The following DYNC2H1 variants were observed in gnomAD, a reference collection of about 807,000 sequenced individuals.
The protein encoded by DYNC2H1 is dynein cytoplasmic 2 heavy chain 1, also known as cytoplasmic dynein 2 heavy chain 1.
A neutral mutation model predicts 570.0 loss-of-function variants in DYNC2H1; 410 were observed. The observed-to-expected ratio is 0.72, with a 90% confidence interval of 0.66 to 0.78. The LOEUF (loss-of-function observed/expected upper bound fraction) is 0.78. DYNC2H1 is among the 30% of genes least tolerant of loss of function. The pLI is 0.00. For missense variants in DYNC2H1, 4,865 were observed against 5,046.4 expected (o/e 0.96, Z 1.09); for synonymous variants, 1,688 against 1,677.6 (o/e 1.01, Z -0.15).
intron 70 of DYNC2H1, among the ~76,000 whole-genome samples, chr11:103,279,821 A>G (rs1866061162): frequency 6.6e-6 from 1 of 152,174 alleles, no homozygotes; most frequent in South Asian, 2.1e-4. Flanking sequence ...CATTGAAGGA[A>G]TTATTTGTTG....
intron 78 of DYNC2H1, among the ~76,000 whole-genome samples, chr11:103,309,168 ATTTTTT>A (rs386374721): frequency 2.4e-4 from 13 of 54,644 alleles, no homozygotes; most frequent in Admixed American, 1.3e-3. Context: ...ACTGCATGCT[ATTTTTT>A]TTTTTTTTTT....
At chr11:103,148,095 A>C (rs972510175) in intron 19 of DYNC2H1, among the ~76,000 whole-genome samples, 2 of 152,172 alleles carry the variant, frequency 1.3e-5, no homozygotes, top group African/African-American at 2.4e-5. Flanking sequence ...AGATTGTTGC[A>C]TATGTAGCTG....
intron 82 of DYNC2H1, among the ~76,000 whole-genome samples, chr11:103,345,090 G>A (rs7481615): frequency 0.15 from 22,667 of 152,020 alleles, 1,838 homozygotes; most frequent in Admixed American, 0.25. Flanking sequence ...CTTATTTTTC[G>A]AACATTATAA....
At chr11:103,373,571 C>G (rs746444962) in intron 83 of DYNC2H1, among the ~76,000 whole-genome samples, 7 of 152,138 alleles carry the variant, frequency 4.6e-5, no homozygotes, top group Non-Finnish European at 1.0e-4. Context: ...TTGATATGAT[C>G]TCTCTCTTCC....
chr11:103,218,680 C>T (rs1226299291), intron 55 of DYNC2H1, among the ~76,000 whole-genome samples: 2 of 152,172 alleles, frequency 1.3e-5, no homozygotes, highest in Admixed American at 6.5e-5. Flanking sequence ...GCTTTGTGTA[C>T]TCTCTGGCTA....
intron 13 of DYNC2H1, among the ~76,000 whole-genome samples, chr11:103,132,184 T>C (rs1037312714): frequency 6.6e-6 from 1 of 152,098 alleles, no homozygotes; most frequent in Non-Finnish European, 1.5e-5. Flanking sequence ...TTTTTCCCTT[T>C]ATTTTCTCTT....
At chr11:103,444,515 C>G (rs1944365931) in intron 85 of DYNC2H1, among the ~76,000 whole-genome samples, 1 of 152,006 alleles carries the variant, frequency 6.6e-6, no homozygotes, top group Non-Finnish European at 1.5e-5. Context: ...TTTGTTAAGC[C>G]TACCAGAAGG....
chr11:103,447,933 A>G (rs988419012), intron 85 of DYNC2H1, among the ~76,000 whole-genome samples: 2 of 151,908 alleles, frequency 1.3e-5, no homozygotes, highest in African/African-American at 4.8e-5. Context: ...AAATACTAGG[A>G]TTTTTTTTAT....
Position 103,243,751 on chromosome 11 carries a change from C to T in DYNC2H1, c.9878C>T (p.Thr3293Ile). Residue 3293 changes from threonine to isoleucine, a missense_variant, in exon 64 of 89, where the codon ACA becomes ATA. Around this residue, in one of 5 missense-constraint regions of DYNC2H1, gnomAD observed 2,401 missense variants for 2,454.6 expected, o/e 0.98. Coordinates refer to ENST00000375735, the MANE Select transcript of DYNC2H1 (RefSeq NM_001377.3). The surrounding 1 kb of genome is among the most constrained non-coding windows in gnomAD (Gnocchi z 4.8). Reference sequence around the variant, plus strand: ...TCCCAAGCTACAGAGTGGTTAAAAACACATTTGAAAGACTCACGTTTAGAA... The same window carrying T: ...TCCCAAGCTACAGAGTGGTTAAAAATACATTTGAAAGACTCACGTTTAGAA... The part of the protein sequence containing the change: ...PSSQATEWLK[T>I]HLKDSRLEVI... The T allele has an allele frequency of 6.2e-7, 1 of 1,605,118 alleles. No homozygotes were observed. The highest frequency in any genetic ancestry group is 8.5e-7 in the Non-Finnish European group (1 of 1,175,308).
At chr11:103,246,013 A>C (rs1048466613) in intron 65 of DYNC2H1, among the ~76,000 whole-genome samples, 2 of 152,160 alleles carry the variant, frequency 1.3e-5, no homozygotes, top group Admixed American at 1.3e-4. Flanking sequence ...GGGGCAACGC[A>C]GAGAAATAGC....
At chr11:103,310,684 TTTTTTTTTTTTTTTG>T (rs1419223961) in intron 78 of DYNC2H1, among the ~76,000 whole-genome samples, 1 of 86,548 alleles carries the variant, frequency 1.2e-5, no homozygotes, top group African/African-American at 5.2e-5. Flanking sequence ...TTTTTTTTTT[TTTTTTTTTTTTTTTG>T]GGAGACTGAG....
In DYNC2H1 at chr11:103,369,114, T is replaced by G. The variant is rs1275952042; in HGVS notation, c.12156+10755T>G. ...TGAATTGCAGACACCATCCCTCCCC[T>G]GTCTCCAAGCAGCAGTGGCATGGCA... On this transcript the variant is annotated intron_variant, in intron 83 of 88. Coordinates refer to ENST00000375735, the MANE Select transcript of DYNC2H1 (RefSeq NM_001377.3). The surrounding 1 kb of genome is among the most constrained non-coding windows in gnomAD (Gnocchi z 4.0). Among the ~76,000 whole-genome samples, 1 of 152,156 alleles carries G rather than the reference T, an allele frequency of 6.6e-6. No homozygotes were observed. Among genetic ancestry groups the G allele is most frequent in the Non-Finnish European group, 1.5e-5 (1 of 68,032 alleles).
intron 54 of DYNC2H1, among the ~76,000 whole-genome samples, chr11:103,212,264 A>G (rs1288360885): frequency 6.6e-6 from 1 of 152,082 alleles, no homozygotes; most frequent in Non-Finnish European, 1.5e-5. Context: ...GTTATTCAGC[A>G]TAAGATGATA....
rs1860909541 is a variant in DYNC2H1 at position 103,157,964 on chromosome 11, T to C, written c.4128-713T>C. Among the ~76,000 whole-genome samples the C allele has an allele frequency of 6.6e-6, 1 of 152,244 alleles. No homozygotes were observed. Among genetic ancestry groups the C allele is most frequent in the African/African-American group, 2.4e-5 (1 of 41,466 alleles). The stretch of plus-strand genomic sequence containing the variant: ...ACTCACTCACTTTTTCATTTTATTC[T>C]TCATCTGCATATCAATTTAAATTAC... On this transcript the variant is annotated intron_variant, in intron 26 of 88. Transcript: ENST00000375735. This position sits in a 1 kb window ranked among gnomAD's most constrained non-coding sequence, Gnocchi z 4.2.
At chr11:103,466,349 C>A (rs1238311067) in intron 87 of DYNC2H1, among the ~76,000 whole-genome samples, 1 of 152,048 alleles carries the variant, frequency 6.6e-6, no homozygotes, top group Admixed American at 6.6e-5. Flanking sequence ...AAACAAAACA[C>A]AGGAAAATAT....
chr11:103,154,632 C>T (rs79080694), intron 23 of DYNC2H1, 26 bp downstream of exon 23: 1 of 1,580,586 alleles, frequency 6.3e-7, no homozygotes, highest in South Asian at 1.2e-5. Context: ...AATATTTAGA[C>T]TAATAATTTG....
At chr11:103,143,923 T>C (rs1012952314) in intron 18 of DYNC2H1, among the ~76,000 whole-genome samples, 1 of 152,216 alleles carries the variant, frequency 6.6e-6, no homozygotes, top group African/African-American at 2.4e-5. Flanking sequence ...AGTAATAAGT[T>C]CCATGAAAGG....
chr11:103,198,052 G>A lies in DYNC2H1; in HGVS notation c.7828G>A (p.Val2610Ile), dbSNP rs566035585. The stretch of plus-strand genomic sequence containing the variant: ...ACTAAACTCTACTGATCTCAAGGAT[G>A]TTATTAAAAAGGTATAATATGAATC... ...GKLNSTDLKD[V>I]IKKGLIHYGR... The change falls in exon 48 of 89, where the codon GTT becomes ATT. Residue 2610 changes from valine to isoleucine, a missense_variant. Val to Ile is a conservative substitution (Grantham distance 29). Coordinates refer to ENST00000375735, the MANE Select transcript of DYNC2H1 (RefSeq NM_001377.3). 27 of 1,551,946 alleles carry A rather than the reference G, an allele frequency of 1.7e-5. No homozygotes were observed. In the African/African-American group the frequency reaches 3.6e-4, roughly 20 times the overall value.
Position 103,174,056 on chromosome 11 carries a change from G to C in DYNC2H1, c.5560G>C (p.Glu1854Gln). 1.3e-6 allele frequency: 2 copies of C among 1,576,344 alleles called. No individual in the cohort carries two copies. The highest frequency in any genetic ancestry group is 1.8e-5 in the Admixed American group (1 of 54,738). Residue 1854 changes from glutamate to glutamine, a missense_variant and splice_region_variant, in exon 36 of 89, where the codon GAA becomes CAA. This residue lies in a region of DYNC2H1 where 292 missense variants were observed against 300.2 expected (regional missense o/e 0.97). Coordinates refer to ENST00000375735, the MANE Select transcript of DYNC2H1 (RefSeq NM_001377.3). Reference protein sequence around the residue: ...KLVAIFNLSRELLTPQQHYDW... With the variant: ...KLVAIFNLSRQLLTPQQHYDW... ...TTGATTTCCATGTCTCTATTTCAGG[G>C]AACTTTTGACACCTCAGCAACATTA...
Sources: gnomAD v4.1 joint callset for allele counts (sites outside exome capture counted in the v4.1 genomes callset) on GRCh38, gnomAD v4.1.1 for gene constraint, gnomAD v4.1.1 regional missense constraint, Gnocchi (gnomAD v3.1) non-coding constraint, MANE v1.5 for transcripts, NCBI Gene and HGNC (gene_info 2026-07-23, HGNC 2026-07-21) for gene names.